The following DBT variants were observed in gnomAD, a reference collection of about 807,000 sequenced individuals.
The protein encoded by DBT is lipoamide acyltransferase component of branched-chain alpha-keto acid dehydrogenase complex, mitochondrial.
In DBT, 40 loss-of-function variants were observed where a neutral mutation model predicts 51.3. The observed-to-expected ratio is 0.78, with a 90% confidence interval of 0.61 to 1.02. The LOEUF (loss-of-function observed/expected upper bound fraction) is 1.02, where lower values mean the gene tolerates loss of function less well. DBT is among the 50% of genes least tolerant of loss of function. The probability of loss-of-function intolerance (pLI) is 0.00; values close to 1 mark genes in which losing one functional copy is unlikely to be tolerated. For missense variants in DBT, 510 were observed against 580.2 expected (o/e 0.88, Z 1.24); for synonymous variants, 181 against 190.4 (o/e 0.95, Z 0.41).
intron 7 of DBT, chr1:100,211,113 T>G: frequency 1.3e-6 from 1 of 779,148 alleles, no homozygotes; most frequent in Non-Finnish European, 2.4e-6. Flanking sequence ...AAGATTTCCA[T>G]GAGAAGTAAT....
At chr1:100,211,206 G>T in intron 7 of DBT, 2 of 730,730 alleles carry the variant, frequency 2.7e-6, no homozygotes, top group South Asian at 3.0e-5. Flanking sequence ...AAAGCGCACT[G>T]ACCAGTAGAT....
chr1:100,248,306 A>C (rs1231669820), intron 1 of DBT, among the ~76,000 whole-genome samples: 1 of 152,210 alleles, frequency 6.6e-6, no homozygotes, highest in Non-Finnish European at 1.5e-5. Flanking sequence ...ATTGATAATC[A>C]TAAGCCACTT....
chr1:100,228,027 G>A (rs1485762321), intron 4 of DBT, among the ~76,000 whole-genome samples: 1 of 151,924 alleles, frequency 6.6e-6, no homozygotes, highest in Non-Finnish European at 1.5e-5. Flanking sequence ...TGTATTTTTA[G>A]TAAACATGGG....
At position 100,206,316 on chromosome 1, in the gene DBT, A is replaced by C. The variant is rs983532860; in HGVS notation, c.1210-15T>G. 6.2e-7 allele frequency: 1 copy of C among 1,607,058 alleles called. No homozygotes were observed. The highest frequency in any genetic ancestry group is 8.5e-7 in the Non-Finnish European group (1 of 1,175,168). On this transcript the variant is annotated splice_polypyrimidine_tract_variant and intron_variant, in intron 9 of 10. Coordinates refer to ENST00000370132, the MANE Select transcript of DBT (RefSeq NM_001918.5). ...GTACCACCAATCTATTTTTTAAAAA[A>C]AAAAAAAGGAGAGTATTAAAAGTTA...
intron 2 of DBT, among the ~76,000 whole-genome samples, chr1:100,237,526 A>G (rs1663943147): frequency 6.6e-6 from 1 of 152,066 alleles, no homozygotes; most frequent in Non-Finnish European, 1.5e-5. Flanking sequence ...GTTTAGAAAA[A>G]ATTTCTCTGG....
At chr1:100,201,727 C>T (rs985239545) in intron 10 of DBT, among the ~76,000 whole-genome samples, 4 of 152,174 alleles carry the variant, frequency 2.6e-5, no homozygotes, top group African/African-American at 9.7e-5. Flanking sequence ...CTCTACAAGC[C>T]AGAAGAGTGT....
intron 3 of DBT, among the ~76,000 whole-genome samples, chr1:100,234,373 T>C (rs746083689): frequency 6.6e-6 from 1 of 151,954 alleles, no homozygotes; most frequent in Non-Finnish European, 1.5e-5. Context: ...CAGTGGCTCA[T>C]GCCTGTAATC....
chr1:100,225,042 A>AATATATGTATAT (rs1553231589), intron 4 of DBT, among the ~76,000 whole-genome samples: 1 of 45,630 alleles, frequency 2.2e-5, no homozygotes, highest in East Asian at 1.1e-3. Flanking sequence ...AAAAAAAAAA[A>AATATATGTATAT]ATATATATAT....
chr1:100,243,563 C>A (rs113727705), intron 1 of DBT, among the ~76,000 whole-genome samples: 5,166 of 152,154 alleles, frequency 0.034, 319 homozygotes, highest in African/African-American at 0.12. Context: ...CTCAGGCAAT[C>A]CGCCCACCTT....
At chr1:100,227,096 A>G (rs1013233646) in intron 4 of DBT, among the ~76,000 whole-genome samples, 6 of 152,192 alleles carry the variant, frequency 3.9e-5, no homozygotes, top group African/African-American at 1.4e-4. Context: ...TATTGTCCTG[A>G]ATATTGTAGG....
At chr1:100,237,914 T>A (rs893153744) in intron 2 of DBT, among the ~76,000 whole-genome samples, 3 of 152,190 alleles carry the variant, frequency 2.0e-5, no homozygotes, top group Non-Finnish European at 4.4e-5. Flanking sequence ...GTGCTGGGAT[T>A]ACAGGTGTGA....
At chr1:100,201,142 G>A (rs1661409905) in intron 10 of DBT, among the ~76,000 whole-genome samples, 1 of 152,118 alleles carries the variant, frequency 6.6e-6, no homozygotes, top group African/African-American at 2.4e-5. Context: ...ATGCAAGGAA[G>A]CTAGGAACCT....
At chr1:100,206,685 A>C in intron 8 of DBT, 49 bp from the exon 9 acceptor site, 1 of 1,076,726 alleles carries the variant, frequency 9.3e-7, no homozygotes, top group Non-Finnish European at 1.4e-6. Context: ...ATAAGCTAAC[A>C]GCAAAGAAAG....
chr1:100,244,416 T>G (rs1262817098), intron 1 of DBT, among the ~76,000 whole-genome samples: 1 of 152,162 alleles, frequency 6.6e-6, no homozygotes, highest in Non-Finnish European at 1.5e-5. Context: ...GAAAAAGGAT[T>G]AGGAAATTAG....
intron 5 of DBT, among the ~76,000 whole-genome samples, chr1:100,217,529 G>A (rs1202693428): frequency 6.6e-6 from 1 of 152,224 alleles, no homozygotes; most frequent in African/African-American, 2.4e-5. Context: ...TCTTGGGATA[G>A]TTCCCCAGTG....
Position 100,190,033 on chromosome 1 carries a change from T to A in DBT, c.*6222A>T, listed in dbSNP as rs1273395092. The A allele has an allele frequency of 6.6e-6, 1 of 152,200 alleles. No homozygotes were observed. The highest frequency in any genetic ancestry group is 2.4e-5 in the African/African-American group (1 of 41,458). The allele number at this position is 152,200 out of a possible 1,614,324, so 9.4% of individuals were successfully genotyped here. Reference sequence around the variant, plus strand: ...ATTAATTAAAATTAAAATTTAAATTTAAATAGCTACATGTGGCTAGAGGCT... The same window carrying A: ...ATTAATTAAAATTAAAATTTAAATTAAAATAGCTACATGTGGCTAGAGGCT... On this transcript the variant is annotated 3_prime_UTR_variant, in exon 11 of 11. Transcript: ENST00000370132.
At chr1:100,231,163 T>G (rs1663538685) in intron 3 of DBT, among the ~76,000 whole-genome samples, 1 of 152,204 alleles carries the variant, frequency 6.6e-6, no homozygotes, top group Non-Finnish European at 1.5e-5. Flanking sequence ...AATTAAACTC[T>G]CAGGTTTTCT....
chr1:100,244,446 T>C (rs1664416954), intron 1 of DBT, among the ~76,000 whole-genome samples: 1 of 152,070 alleles, frequency 6.6e-6, no homozygotes, highest in Non-Finnish European at 1.5e-5. Flanking sequence ...ATTGAATAGA[T>C]TATAACAGAT....
At chr1:100,212,444 A>G (rs1263335514) in intron 7 of DBT, among the ~76,000 whole-genome samples, 1 of 152,086 alleles carries the variant, frequency 6.6e-6, no homozygotes, top group Non-Finnish European at 1.5e-5. Context: ...AGGCTGAGGC[A>G]GAGGATCACT....
Sources: allele counts gnomAD v4.1 joint callset (sites outside exome capture counted in the v4.1 genomes callset), GRCh38; gene constraint gnomAD v4.1.1; transcripts MANE v1.5; gene names NCBI Gene and HGNC (gene_info 2026-07-23, HGNC 2026-07-21).